The following STK31 variants were observed in gnomAD, a reference collection of about 807,000 sequenced individuals.
STK31 encodes the protein serine/threonine-protein kinase 31.
A neutral mutation model predicts 129.7 loss-of-function variants in STK31; 89 were observed. That is an observed-to-expected ratio of 0.69 (90% confidence interval 0.58 to 0.82). The LOEUF (loss-of-function observed/expected upper bound fraction) is 0.82. STK31 is among the 40% of genes least tolerant of loss of function. STK31 has a pLI of 0.00. For synonymous variants in STK31, 448 were observed against 395.3 expected (o/e 1.13, Z -1.58); for missense variants, 1,187 against 1,176.4 (o/e 1.01, Z -0.13).
At chr7:23,781,657 A>G (rs1163298806) in intron 16 of STK31, 137 bp downstream of exon 16, 2 of 535,328 alleles carry the variant, frequency 3.7e-6, no homozygotes, top group Non-Finnish European at 6.4e-6. Context: ...TTGACCTGGT[A>G]AGATTTTTGT....
At chr7:23,832,018 G>A (rs1023850864) in intron 23 of STK31, 118 bp from the exon 24 acceptor site, 72 of 686,316 alleles carry the variant, frequency 1.0e-4, no homozygotes, top group Middle Eastern at 3.5e-4. Flanking sequence ...TACCTCGTCA[G>A]TCATCTTGAA....
At chr7:23,828,182 G>A (rs561022116) in intron 23 of STK31, among the ~76,000 whole-genome samples, 2 of 152,170 alleles carry the variant, frequency 1.3e-5, no homozygotes, top group African/African-American at 4.8e-5. Flanking sequence ...TCTGTGCCCT[G>A]CCCCCAGAGG....
chr7:23,825,210 T>C (rs1467444048), intron 23 of STK31, among the ~76,000 whole-genome samples: 1 of 152,242 alleles, frequency 6.6e-6, no homozygotes, highest in East Asian at 1.9e-4. Flanking sequence ...AGAATTTAGC[T>C]GTGAATCCAT....
Position 23,783,654 on chromosome 7 carries a change from C to T in STK31, c.2139C>T (p.Leu713=). ...LPLLHPEIGL[L]KYMNSGGLLT... ...TGCTTCATCCTGAAATAGGATTACTCAAATACATGGTAAACTTTGTTTCCC... is the reference window on the plus strand; with the variant it reads ...TGCTTCATCCTGAAATAGGATTACTTAAATACATGGTAAACTTTGTTTCCC... Residue 713 remains leucine (L), a synonymous_variant, in exon 17 of 24, where the codon CTC becomes CTT. Coordinates refer to ENST00000355870, the MANE Select transcript of STK31 (RefSeq NM_031414.5). 1 of 1,610,560 alleles carries T rather than the reference C, an allele frequency of 6.2e-7. No homozygotes were observed. Among genetic ancestry groups the T allele is most frequent in the Non-Finnish European group, 8.5e-7 (1 of 1,178,730 alleles).
chr7:23,734,817 T>G (rs985291571), intron 6 of STK31, among the ~76,000 whole-genome samples: 15 of 151,942 alleles, frequency 9.9e-5, no homozygotes, highest in Admixed American at 9.8e-4. Context: ...ATAGAAAAAT[T>G]AGGCAGGTGT....
chr7:23,752,853 C>T, intron 9 of STK31, 21 bp downstream of exon 9: 1 of 1,485,430 alleles, frequency 6.7e-7, no homozygotes, highest in Non-Finnish European at 9.3e-7. Context: ...GCATATTTTT[C>T]AGAAGGATAT....
chr7:23,710,473 C>G, intron 1 of STK31, 138 bp downstream of exon 1: 1 of 1,531,754 alleles, frequency 6.5e-7, no homozygotes, highest in Non-Finnish European at 8.8e-7. Flanking sequence ...GCCCGCCACC[C>G]CAGAGGGGTG....
intron 8 of STK31, among the ~76,000 whole-genome samples, chr7:23,741,872 T>A (rs1788074354): frequency 6.6e-6 from 1 of 152,178 alleles, no homozygotes; most frequent in Admixed American, 6.5e-5. Flanking sequence ...CCTTCTTGGC[T>A]GGGCAGCAGC....
rs139647197 is a variant in STK31, at chr7:23,727,206, A to G, written c.250-35A>G. 7.8e-4 allele frequency: 1,231 copies of G among 1,579,914 alleles called. 11 individuals carry two copies. In the African/African-American group the frequency reaches 0.014, roughly 17 times the overall value. On this transcript the variant is annotated intron_variant, in intron 4 of 23. Coordinates refer to ENST00000355870, the MANE Select transcript of STK31 (RefSeq NM_031414.5). ...TTCTGATCTGTTCACCATGCTTTAAATGCCAAGTAATTTTGCTTTCTTTTC... is the reference window on the plus strand; with the variant it reads ...TTCTGATCTGTTCACCATGCTTTAAGTGCCAAGTAATTTTGCTTTCTTTTC...
chr7:23,756,160 C>T (rs1789070847), intron 10 of STK31, among the ~76,000 whole-genome samples: 1 of 152,116 alleles, frequency 6.6e-6, no homozygotes, highest in Admixed American at 6.6e-5. Context: ...TTTGTGTCCT[C>T]TCTTATTTCC....
intron 10 of STK31, among the ~76,000 whole-genome samples, chr7:23,758,872 T>G (rs1394686428): frequency 6.6e-6 from 1 of 152,122 alleles, no homozygotes; most frequent in East Asian, 1.9e-4. Context: ...TCAAGACTCA[T>G]CTGTGTGCTG....
In STK31 at chr7:23,781,494, G is replaced by A; in HGVS notation, c.2041G>A (p.Glu681Lys). The change falls in exon 16 of 24, where the codon GAA becomes AAA. Residue 681 changes from glutamate to lysine, a missense_variant. Coordinates refer to ENST00000355870, the MANE Select transcript of STK31 (RefSeq NM_031414.5). ...ITQLRNNVFQEIYHEREEYEM... is the reference protein window; with the variant it reads ...ITQLRNNVFQKIYHEREEYEM... ...TCAGCTGCGCAATAATGTCTTTCAGGAAATTTATCATGAGAGAGAGGAATA... is the reference window on the plus strand; with the variant it reads ...TCAGCTGCGCAATAATGTCTTTCAGAAAATTTATCATGAGAGAGAGGAATA... The A allele has an allele frequency of 1.9e-6, 3 of 1,610,484 alleles. No individual in the cohort carries two copies. Among genetic ancestry groups the A allele is most frequent in the Non-Finnish European group, 1.7e-6 (2 of 1,178,566 alleles).
chr7:23,821,596 A>C lies in STK31; in HGVS notation c.2829+6384A>C, dbSNP rs563541150. On this transcript the variant is annotated intron_variant, in intron 23 of 23. Transcript: ENST00000355870. ...TTGCAAATTTTTCCTTCAATTCAAC[A>C]AATTGTCTCTTACACTCTGTTGATT... 2.6e-5 allele frequency among the ~76,000 whole-genome samples: 4 copies of C among 152,256 alleles called. No homozygotes were observed. In the South Asian group the frequency reaches 8.3e-4, roughly 32 times the overall value.
In STK31 at chr7:23,745,778, A is replaced by G. The variant is rs191332246; in HGVS notation, c.1018-6939A>G. Among the ~76,000 whole-genome samples, 56 of 152,068 alleles carry G rather than the reference A, an allele frequency of 3.7e-4. No individual in the cohort carries two copies. The East Asian group carries it at 8.5e-3, about 23-fold the overall frequency. ...TCAGGTGTGGCAGCAGCTAGTGACA[A>G]TGGTGGTTGTGGGATGGGGTAGCCT... is the stretch of plus-strand genomic sequence containing the variant. On this transcript the variant is annotated intron_variant, in intron 8 of 23. Coordinates refer to ENST00000355870, the MANE Select transcript of STK31 (RefSeq NM_031414.5).
chr7:23,778,667 G>A (rs1790712436), intron 15 of STK31, among the ~76,000 whole-genome samples: 1 of 151,694 alleles, frequency 6.6e-6, no homozygotes, highest in Non-Finnish European at 1.5e-5. Flanking sequence ...CTCATACTTT[G>A]TTTTTCAGCT....
In STK31 at chr7:23,771,082, G is replaced by T. The variant is rs541023211; in HGVS notation, c.1791G>T (p.Arg597Ser). ...QVLQKIHSEE[R>S]LIATVQAKYK... ...TGCAAAAGATTCATTCAGAGGAAAG[G>T]CTCATTGCCACAGTACAAGCTAAGT... Residue 597 changes from arginine to serine, a missense_variant, in exon 14 of 24, where the codon AGG (arginine) becomes AGT (serine). By Grantham distance (110) the Arg-to-Ser change is moderately radical. Transcript: ENST00000355870. The T allele has an allele frequency of 3.7e-6, 6 of 1,612,766 alleles. No homozygotes were observed. The highest frequency in any genetic ancestry group is 1.6e-4 in the Middle Eastern group (1 of 6,070).
At chr7:23,778,961 C>T (rs187229494) in intron 15 of STK31, among the ~76,000 whole-genome samples, 3 of 152,042 alleles carry the variant, frequency 2.0e-5, no homozygotes, top group Non-Finnish European at 2.9e-5. Flanking sequence ...TTTTTCTCAT[C>T]TTCTTGGATT....
At chr7:23,794,691 G>T (rs1315766926) in intron 22 of STK31, among the ~76,000 whole-genome samples, 1 of 152,182 alleles carries the variant, frequency 6.6e-6, no homozygotes, top group Non-Finnish European at 1.5e-5. Context: ...GGTTGAGGTG[G>T]TCTCACCTGG....
At chr7:23,809,361 C>G (rs1269546366) in intron 22 of STK31, among the ~76,000 whole-genome samples, 2 of 152,074 alleles carry the variant, frequency 1.3e-5, no homozygotes, top group Non-Finnish European at 2.9e-5. Flanking sequence ...ACCTTTTCAT[C>G]AATTCTCCAC....
Sources: gnomAD v4.1 joint callset for allele counts (sites outside exome capture counted in the v4.1 genomes callset) on GRCh38, gnomAD v4.1.1 for gene constraint, MANE v1.5 for transcripts, NCBI Gene and HGNC (gene_info 2026-07-23, HGNC 2026-07-21) for gene names.